The following GALNT13 variants were observed in gnomAD, a reference collection of about 807,000 sequenced individuals.
The protein encoded by GALNT13 is polypeptide N-acetylgalactosaminyltransferase 13, also known as UDP-GalNAc:polypeptide N-acetylgalactosaminyltransferase 13.
Under a neutral mutation model 64.2 loss-of-function variants are expected in GALNT13, and 28 were observed. That is an observed-to-expected ratio of 0.44 (90% CI 0.32 to 0.60). The LOEUF (loss-of-function observed/expected upper bound fraction) is 0.60. Ranked by LOEUF, GALNT13 falls within the 20% of genes least tolerant of loss-of-function variation. The probability of loss-of-function intolerance (pLI) is 0.05; values close to 1 mark genes in which losing one functional copy is unlikely to be tolerated. For missense variants in GALNT13, 577 were observed against 669.8 expected (o/e 0.86, Z 1.53); for synonymous variants, 214 against 224.6 (o/e 0.95, Z 0.42).
the GALNT13 span, among the ~76,000 whole-genome samples, chr2:153,590,855 A>G: frequency 2.6e-5 from 4 of 152,144 alleles, no homozygotes; most frequent in Non-Finnish European, 5.9e-5. Flanking sequence ...ACCCACAGCC[A>G]ATATAACACT....
the GALNT13 span, among the ~76,000 whole-genome samples, chr2:153,717,130 T>A: frequency 6.6e-6 from 1 of 152,160 alleles, no homozygotes; most frequent in Non-Finnish European, 1.5e-5. Flanking sequence ...TGGGTGGCAG[T>A]GTTTATTCCC....
chr2:154,314,412 G>T (rs1694219750), intron 9 of GALNT13, among the ~76,000 whole-genome samples: 1 of 152,134 alleles, frequency 6.6e-6, no homozygotes, highest in South Asian at 2.1e-4. Flanking sequence ...TACTCTGGTG[G>T]ATTGCATTTG....
chr2:154,429,764 A>G (rs758227148), intron 11 of GALNT13, among the ~76,000 whole-genome samples: 2 of 152,226 alleles, frequency 1.3e-5, no homozygotes, highest in Non-Finnish European at 2.9e-5. Flanking sequence ...AAGCTTCAAA[A>G]GACAGGCTGA....
the GALNT13 span, among the ~76,000 whole-genome samples, chr2:153,419,485 A>C: frequency 3.3e-5 from 5 of 152,242 alleles, no homozygotes; most frequent in Non-Finnish European, 5.9e-5. Context: ...CATTCAAAAA[A>C]TGGCAAAATG....
At chr2:153,662,479 C>T in the GALNT13 span, among the ~76,000 whole-genome samples, 2 of 152,172 alleles carry the variant, frequency 1.3e-5, no homozygotes, top group African/African-American at 4.8e-5. Flanking sequence ...GTAATTACTG[C>T]TCAGGCTTCT....
chr2:154,364,560 G>T (rs6753342), intron 9 of GALNT13, among the ~76,000 whole-genome samples: 99,264 of 152,060 alleles, frequency 0.65, 32,812 homozygotes, highest in East Asian at 0.78. Flanking sequence ...CTTAAAATGC[G>T]GTTATCTAAC....
At chr2:153,400,219 G>T in the GALNT13 span, among the ~76,000 whole-genome samples, 3 of 151,502 alleles carry the variant, frequency 2.0e-5, no homozygotes, top group African/African-American at 7.3e-5. Context: ...TTATATGCTG[G>T]ATTACATTTA....
At chr2:153,522,335 G>A in the GALNT13 span, among the ~76,000 whole-genome samples, 1 of 151,412 alleles carries the variant, frequency 6.6e-6, no homozygotes, top group East Asian at 1.9e-4. Flanking sequence ...TCTGTCTCAA[G>A]GAGAAAAAAA....
At chr2:153,869,620 G>A (rs1685816035), upstream of GALNT13, among the ~76,000 whole-genome samples, 1 of 151,980 alleles carries the variant, frequency 6.6e-6, no homozygotes. Flanking sequence ...GATATCACTT[G>A]GTCCCATTAT....
At chr2:153,348,857 T>C in the GALNT13 span, among the ~76,000 whole-genome samples, 1 of 152,210 alleles carries the variant, frequency 6.6e-6, no homozygotes, top group South Asian at 2.1e-4. Context: ...CCACATCAGG[T>C]GAGAGCCAGC....
chr2:153,678,788 T>A, the GALNT13 span, among the ~76,000 whole-genome samples: 2 of 151,986 alleles, frequency 1.3e-5, no homozygotes, highest in Admixed American at 1.3e-4. Context: ...AAGAGTATGG[T>A]TTAAATATGA....
At chr2:154,155,553 AGTATTTTGCTGAG>A (rs1291545120) in intron 4 of GALNT13, among the ~76,000 whole-genome samples, 2 of 152,146 alleles carry the variant, frequency 1.3e-5, no homozygotes, top group East Asian at 3.9e-4. Flanking sequence ...AGCTTACAAT[AGTATTTTGCTGAG>A]GGAAAATGTG....
the GALNT13 span, among the ~76,000 whole-genome samples, chr2:153,814,465 G>GTAAGTAAGTAAGTAAA: frequency 2.7e-5 from 4 of 148,904 alleles, no homozygotes; most frequent in African/African-American, 5.0e-5. Flanking sequence ...AAGTAAGTAA[G>GTAAGTAAGTAAGTAAA]TAAATAAATA....
chr2:153,682,297 T>C, the GALNT13 span, among the ~76,000 whole-genome samples: 1 of 151,758 alleles, frequency 6.6e-6, no homozygotes, highest in Non-Finnish European at 1.5e-5. Flanking sequence ...CTGATTTCGA[T>C]TACCCAGACG....
chr2:154,287,878 TC>T (rs559877091), intron 8 of GALNT13, among the ~76,000 whole-genome samples: 38 of 152,222 alleles, frequency 2.5e-4, no homozygotes, highest in African/African-American at 9.1e-4. Flanking sequence ...AAGAACCACC[TC>T]TCCCAGTCTT....
At chr2:153,397,785 T>G in the GALNT13 span, among the ~76,000 whole-genome samples, 1 of 152,152 alleles carries the variant, frequency 6.6e-6, no homozygotes. Context: ...AGAACTCCAA[T>G]TTACTGACGT....
chr2:153,364,034 C>T, the GALNT13 span, among the ~76,000 whole-genome samples: 3 of 151,936 alleles, frequency 2.0e-5, no homozygotes, highest in South Asian at 4.2e-4. Flanking sequence ...AAAAAATTTA[C>T]TCATGATAAT....
At position 154,243,027 on chromosome 2, in the gene GALNT13, T is replaced by C. The variant is rs1045995742; in HGVS notation, c.686+122T>C. On this transcript the variant is annotated intron_variant, in intron 6 of 12. Coordinates refer to ENST00000392825, the MANE Select transcript of GALNT13 (RefSeq NM_052917.4). The stretch of plus-strand genomic sequence containing the variant: ...TAGAAGGTTTATTTTATAGCTTTTC[T>C]TAAAAGCACGTTTTCCCACTTGCTT... The C allele has an allele frequency of 3.7e-5, 27 of 730,252 alleles. No individual in the cohort carries two copies. The African/African-American group carries it at 3.7e-4, about 10-fold the overall frequency. 45.2% of individuals were successfully genotyped at this position (730,252 alleles called of 1,614,324 possible). A position where few individuals can be genotyped will look rare whatever the true frequency, so the allele number is the denominator to read the frequency against.
the GALNT13 span, among the ~76,000 whole-genome samples, chr2:153,778,751 A>G: frequency 6.6e-6 from 1 of 152,218 alleles, no homozygotes; most frequent in South Asian, 2.1e-4. Flanking sequence ...AAAAATTTGT[A>G]TAAATTTAAG....
Sources: gnomAD v4.1 joint callset for allele counts (sites outside exome capture counted in the v4.1 genomes callset) on GRCh38, gnomAD v4.1.1 for gene constraint, MANE v1.5 for transcripts, NCBI Gene and HGNC (gene_info 2026-07-23, HGNC 2026-07-21) for gene names.